The following GATM variants were observed in gnomAD, a reference collection of about 807,000 sequenced individuals.
The protein encoded by GATM is glycine amidinotransferase.
In GATM, 23 loss-of-function variants were observed where a neutral mutation model predicts 54.2. The observed-to-expected ratio is 0.42, with a 90% CI of 0.31 to 0.60. The LOEUF (loss-of-function observed/expected upper bound fraction) is 0.60. Ranked by LOEUF, GATM falls within the 20% of genes least tolerant of loss-of-function variation. GATM has a pLI of 0.14. For missense variants in GATM, 401 were observed against 544.9 expected, an observed-to-expected ratio of 0.74 and a Z score of 2.63; for synonymous variants, 168 against 183.1, an observed-to-expected ratio of 0.92 and a Z score of 0.67.
chr15:45,396,869 C>CAAAAAAAAAAA (rs57667717), intron 3 of GATM: 3 of 66,470 alleles, frequency 4.5e-5, no homozygotes, highest in Admixed American at 1.9e-4. Context: ...GACTCCGTCT[C>CAAAAAAAAAAA]AAAAAAAAAA....
At chr15:45,393,960 T>C (rs1889899409) in intron 3 of GATM, among the ~76,000 whole-genome samples, 1 of 152,170 alleles carries the variant, frequency 6.6e-6, no homozygotes, top group Non-Finnish European at 1.5e-5. Flanking sequence ...CTCAAGACCA[T>C]ACAGCAAGCC....
chr15:45,374,255 T>C (rs1238979301), intron 2 of GATM, among the ~76,000 whole-genome samples: 2 of 152,196 alleles, frequency 1.3e-5, no homozygotes, highest in Non-Finnish European at 2.9e-5. Context: ...CATGGTACTT[T>C]TTCCACAAGT....
intron 2 of GATM, chr15:45,399,508 C>G (rs1265330335): frequency 6.5e-6 from 1 of 152,744 alleles, no homozygotes; most frequent in African/African-American, 2.4e-5. Flanking sequence ...CCACCATGTG[C>G]AGGTACAATG....
chr15:45,378,403 C>T lies in GATM; in HGVS notation c.51G>A (p.Val17=), dbSNP rs1265310389. Residue 17 remains valine, a synonymous_variant, in exon 1 of 9, where the codon GTG becomes GTA. Coordinates refer to ENST00000396659, the MANE Select transcript of GATM (RefSeq NM_001482.3). ...CACGCACCCGAGATCCGATGTAGTG[C>T]ACCGCCTCGGCGCCGCGGCTCCCGC... The part of the protein sequence containing the change: ...LRGGSRGAEA[V]HYIGSRLGRT... 4.0e-6 allele frequency: 6 copies of T among 1,509,828 alleles called. No individual in the cohort carries two copies. The South Asian group carries it at 6.2e-5, about 15-fold the overall frequency. 93.5% of individuals were successfully genotyped at this position (1,509,828 alleles called of 1,614,324 possible). A position where few individuals can be genotyped will look rare whatever the true frequency, so the allele number is the denominator to read the frequency against.
Position 45,366,198 on chromosome 15 carries a change from G to C in GATM, c.826C>G (p.Leu276Val). 2 of 1,614,050 alleles carry C rather than the reference G, an allele frequency of 1.2e-6. No homozygotes were observed. The highest frequency in any genetic ancestry group is 1.7e-6 in the Non-Finnish European group (2 of 1,180,000). Reference protein sequence around the residue: ...FAQRSQVTNYLGIEWMRRHLA... With the variant: ...FAQRSQVTNYVGIEWMRRHLA... Reference sequence around the variant, plus strand: ...TGCCTACGCATCCATTCAATGCCTAGGTAGTTTGTAACCTGAAAACAAAAG... The same window carrying C: ...TGCCTACGCATCCATTCAATGCCTACGTAGTTTGTAACCTGAAAACAAAAG... Residue 276 changes from leucine to valine, a missense_variant, in exon 6 of 9, where the codon CTA (leucine) becomes GTA (valine). Physicochemically the swap from Leu to Val is conservative, Grantham distance 32. This residue lies in a region of GATM where 321 missense variants were observed against 457.5 expected (regional missense o/e 0.70). Transcript: ENST00000396659.
chr15:45,394,346 C>T (rs1889904436), intron 3 of GATM, among the ~76,000 whole-genome samples: 1 of 152,196 alleles, frequency 6.6e-6, no homozygotes, highest in Non-Finnish European at 1.5e-5. Context: ...TCCTGCCACA[C>T]CCCATCTGTG....
At position 45,362,048 on chromosome 15, in the gene GATM, A is replaced by G; in HGVS notation, c.*61T>C. 1 of 967,886 alleles carries G rather than the reference A, an allele frequency of 1.0e-6. No homozygotes were observed. The highest frequency in any genetic ancestry group is 1.7e-6 in the Non-Finnish European group (1 of 593,310). 60.0% of individuals were successfully genotyped at this position (967,886 alleles called of 1,614,324 possible). On this transcript the variant is annotated 3_prime_UTR_variant, in exon 9 of 9. Coordinates refer to ENST00000396659, the MANE Select transcript of GATM (RefSeq NM_001482.3). ...ATGCACTTTTTAAAGCAGGAGAATG[A>G]ACCTTGCCCCTAAGCTTCTTAGGTG...
intron 3 of GATM, among the ~76,000 whole-genome samples, chr15:45,396,613 G>GC: frequency 6.6e-6 from 1 of 152,144 alleles, no homozygotes; most frequent in African/African-American, 2.4e-5. Context: ...GCTCACACCT[G>GC]TAATCCCAAT....
chr15:45,371,723 A>G (rs560074415), intron 2 of GATM, among the ~76,000 whole-genome samples: 4 of 152,358 alleles, frequency 2.6e-5, no homozygotes, highest in African/African-American at 9.6e-5. Context: ...CTAATACATC[A>G]TGGGACTTGG....
rs148676721 is a variant in GATM at position 45,367,712 on chromosome 15, G to C, written c.675+358C>G. Among the ~76,000 whole-genome samples the C allele has an allele frequency of 3.3e-3, 507 of 152,132 alleles. 1 individual carries two copies. The highest frequency in any genetic ancestry group is 0.012 in the African/African-American group (484 of 41,492). ...TGAACTTCAGTCTAGTGACTTTTCTGGTTCCACTAATGAACAGTGGTACAC... is the reference window on the plus strand; with the variant it reads ...TGAACTTCAGTCTAGTGACTTTTCTCGTTCCACTAATGAACAGTGGTACAC... On this transcript the variant is annotated intron_variant, in intron 4 of 8. Transcript: ENST00000396659.
At chr15:45,391,711 C>T (rs543309742) in intron 3 of GATM, among the ~76,000 whole-genome samples, 2 of 152,306 alleles carry the variant, frequency 1.3e-5, no homozygotes, top group Non-Finnish European at 2.9e-5. Flanking sequence ...CTGCATTTCT[C>T]ATAACTGAGT....
chr15:45,370,197 G>A (rs1236974963), intron 2 of GATM, among the ~76,000 whole-genome samples: 1 of 151,912 alleles, frequency 6.6e-6, no homozygotes, highest in Non-Finnish European at 1.5e-5. Context: ...CCAACATGGG[G>A]AAACCCCATT....
chr15:45,374,265 T>A (rs1889591052), intron 2 of GATM, among the ~76,000 whole-genome samples: 1 of 152,130 alleles, frequency 6.6e-6, no homozygotes, highest in African/African-American at 2.4e-5. Flanking sequence ...TTTCCACAAG[T>A]CCATGAAATG....
upstream of GATM, among the ~76,000 whole-genome samples, chr15:45,383,222 C>T (rs1889765645): frequency 6.6e-6 from 1 of 152,220 alleles, no homozygotes; most frequent in Admixed American, 6.5e-5. Context: ...TGAAGGCAGC[C>T]TCTGCACTGT....
At chr15:45,372,755 G>A (rs887169935) in intron 2 of GATM, among the ~76,000 whole-genome samples, 6 of 152,224 alleles carry the variant, frequency 3.9e-5, no homozygotes, top group African/African-American at 1.4e-4. Context: ...AAGGTTATTT[G>A]AACAAATGTG....
rs1889807443 is a variant in GATM at position 45,386,686 on chromosome 15, C to T, written c.-318-9867G>A. 2.0e-5 allele frequency among the ~76,000 whole-genome samples: 3 copies of T among 152,174 alleles called. No individual in the cohort carries two copies. The South Asian group carries it at 6.2e-4, about 31-fold the overall frequency. The stretch of plus-strand genomic sequence containing the variant: ...CGCTTGTTGCTGGTAGGGAATTTTC[C>T]AGAATTATCATTCCCAGCAAAAGGC... On this transcript the variant is annotated intron_variant, in intron 3 of 4. Coordinates refer to the GATM transcript ENST00000561148.
chr15:45,378,554 C>T, upstream of GATM: 1 of 936,482 alleles, frequency 1.1e-6, no homozygotes, highest in Non-Finnish European at 1.4e-6. Flanking sequence ...TGGGCGGGCG[C>T]GCGGGGCCCG....
chr15:45,394,146 C>T (rs1889901766), intron 3 of GATM, among the ~76,000 whole-genome samples: 1 of 152,212 alleles, frequency 6.6e-6, no homozygotes, highest in Non-Finnish European at 1.5e-5. Flanking sequence ...AGGAGGCGAG[C>T]AGGACTGAGC....
At chr15:45,373,422 G>C (rs1278457335) in intron 2 of GATM, 1 of 152,150 alleles carries the variant, frequency 6.6e-6, no homozygotes, top group Non-Finnish European at 1.5e-5. Flanking sequence ...AGAATGGCAT[G>C]AACCCAGGAG....
Sources: gnomAD v4.1 joint callset for allele counts (sites outside exome capture counted in the v4.1 genomes callset) on GRCh38, gnomAD v4.1.1 for gene constraint, gnomAD v4.1.1 regional missense constraint, MANE v1.5 for transcripts, NCBI Gene and HGNC (gene_info 2026-07-23, HGNC 2026-07-21) for gene names.